The following AFG2A variants were observed in gnomAD, a reference collection of about 807,000 sequenced individuals.
The protein encoded by AFG2A is AAA ATPase AFG2A, also known as ATPase family gene 2 protein homolog A.
the AFG2A span, among the ~76,000 whole-genome samples, chr4:123,263,602 CAT>C: frequency 0.52 from 78,682 of 151,890 alleles, 24,701 homozygotes; most frequent in Non-Finnish European, 0.67. Flanking sequence ...GGCCAACAAA[CAT>C]ATGAAAAAAT....
the AFG2A span, among the ~76,000 whole-genome samples, chr4:123,005,031 T>C: frequency 6.6e-6 from 1 of 152,254 alleles, no homozygotes; most frequent in Admixed American, 6.5e-5. Flanking sequence ...ATATTTTTAA[T>C]ATCTGTTGGA....
the AFG2A span, among the ~76,000 whole-genome samples, chr4:123,084,424 A>G: frequency 0.1 from 15,912 of 151,898 alleles, 933 homozygotes; most frequent in Middle Eastern, 0.2. Context: ...TATACTCTCA[A>G]TACTATAAGT....
At chr4:123,133,072 G>C in the AFG2A span, among the ~76,000 whole-genome samples, 7 of 152,086 alleles carry the variant, frequency 4.6e-5, no homozygotes, top group Non-Finnish European at 8.8e-5. Context: ...GAGCCACTGC[G>C]CCCAGCCGAT....
At chr4:122,955,149 T>A in the AFG2A span, among the ~76,000 whole-genome samples, 6 of 152,152 alleles carry the variant, frequency 3.9e-5, no homozygotes, top group Admixed American at 1.3e-4. Flanking sequence ...AGAACTAACA[T>A]ACAGGGACAG....
At chr4:122,957,489 G>A in the AFG2A span, among the ~76,000 whole-genome samples, 2 of 152,180 alleles carry the variant, frequency 1.3e-5, no homozygotes, top group African/African-American at 4.8e-5. Flanking sequence ...AGGCATAAGT[G>A]TATCCCACTT....
chr4:123,024,918 GTC>G, the AFG2A span, among the ~76,000 whole-genome samples: 1 of 152,162 alleles, frequency 6.6e-6, no homozygotes, highest in Non-Finnish European at 1.5e-5. Context: ...CTCCCAGTGT[GTC>G]TCTCCCCAGT....
chr4:123,033,382 G>C, the AFG2A span, among the ~76,000 whole-genome samples: 2 of 152,022 alleles, frequency 1.3e-5, no homozygotes, highest in African/African-American at 4.8e-5. Context: ...GTGTCCAATG[G>C]CTTTTTTCAT....
the AFG2A span, among the ~76,000 whole-genome samples, chr4:123,016,692 G>A: frequency 1.3e-5 from 2 of 151,986 alleles, no homozygotes; most frequent in Admixed American, 1.3e-4. Context: ...CGGCCAGGCA[G>A]AGACGCTCCT....
chr4:123,121,510 T>G, the AFG2A span, among the ~76,000 whole-genome samples: 1 of 152,150 alleles, frequency 6.6e-6, no homozygotes, highest in Non-Finnish European at 1.5e-5. Flanking sequence ...AGGCATACCG[T>G]TTTTTAATCT....
chr4:122,991,672 A>G, the AFG2A span, among the ~76,000 whole-genome samples: 6 of 152,236 alleles, frequency 3.9e-5, no homozygotes, highest in African/African-American at 1.4e-4. Context: ...ATGGGTAGGA[A>G]TATTCTCTAA....
At chr4:122,935,055 C>T in the AFG2A span, among the ~76,000 whole-genome samples, 2 of 152,114 alleles carry the variant, frequency 1.3e-5, no homozygotes, top group Non-Finnish European at 2.9e-5. Context: ...ATAAACCATT[C>T]AAATACATTA....
the AFG2A span, among the ~76,000 whole-genome samples, chr4:122,991,354 A>T: frequency 6.6e-6 from 1 of 152,152 alleles, no homozygotes; most frequent in Non-Finnish European, 1.5e-5. Context: ...TATATTAAGA[A>T]ATATTTACTA....
chr4:123,278,925 C>T, the AFG2A span, among the ~76,000 whole-genome samples: 4 of 152,112 alleles, frequency 2.6e-5, no homozygotes, highest in South Asian at 8.3e-4. Flanking sequence ...GTTATGTTTA[C>T]ACATTAGGGT....
chr4:123,065,304 A>G, the AFG2A span, among the ~76,000 whole-genome samples: 1 of 152,146 alleles, frequency 6.6e-6, no homozygotes, highest in Non-Finnish European at 1.5e-5. Flanking sequence ...ACATTCTCCA[A>G]TAGGCTTTGC....
At chr4:123,077,221 G>A in the AFG2A span, among the ~76,000 whole-genome samples, 2 of 151,838 alleles carry the variant, frequency 1.3e-5, no homozygotes, top group African/African-American at 2.4e-5. Flanking sequence ...CTAATTTTTT[G>A]TATTTTTAGT....
chr4:122,979,356 C>G, the AFG2A span: 2 of 1,614,102 alleles, frequency 1.2e-6, no homozygotes, highest in East Asian at 2.2e-5. Flanking sequence ...GACCCAGTGC[C>G]ATGAGGGAAA....
At chr4:122,940,687 T>G in the AFG2A span, among the ~76,000 whole-genome samples, 1 of 152,188 alleles carries the variant, frequency 6.6e-6, no homozygotes, top group Admixed American at 6.5e-5. Context: ...TTTTGGTGTT[T>G]TAGACATGAA....
chr4:123,208,503 A>T, the AFG2A span, among the ~76,000 whole-genome samples: 305 of 152,320 alleles, frequency 2.0e-3, 3 homozygotes, highest in Admixed American at 0.015. Context: ...AATTAGACCC[A>T]TGTAAGCAGA....
At chr4:123,048,216 T>C in the AFG2A span, among the ~76,000 whole-genome samples, 1 of 152,242 alleles carries the variant, frequency 6.6e-6, no homozygotes, top group South Asian at 2.1e-4. Context: ...TTCATTGGTC[T>C]GTGTGCCTGT....
Sources: allele counts gnomAD v4.1 joint callset (sites outside exome capture counted in the v4.1 genomes callset), GRCh38; gene constraint gnomAD v4.1.1; transcripts MANE v1.5; gene names NCBI Gene and HGNC (gene_info 2026-07-23, HGNC 2026-07-21).